The following RCCD1 variants were observed in gnomAD, a reference collection of about 807,000 sequenced individuals.
RCCD1 encodes RCC1 domain containing 1.
A neutral mutation model predicts 37.6 loss-of-function variants in RCCD1; 40 were observed. The observed-to-expected ratio is 1.06, with a 90% CI of 0.83 to 1.39. The LOEUF is 1.39. Ranked by LOEUF, RCCD1 falls within the 40% of genes most tolerant of loss-of-function variation. The pLI, the probability that RCCD1 is intolerant of heterozygous loss-of-function variation, is 0.00. For missense variants in RCCD1, 577 were observed against 517.3 expected, an observed-to-expected ratio of 1.12 and a Z score of -1.12; for synonymous variants, 263 against 230.0, an observed-to-expected ratio of 1.14 and a Z score of -1.30.
rs1185681299 is a variant in RCCD1 at position 90,957,447 on chromosome 15, C to T, written c.501C>T (p.Ala167=). 3.9e-6 allele frequency: 6 copies of T among 1,539,158 alleles called. No individual in the cohort carries two copies. The highest frequency in any genetic ancestry group is 5.2e-6 in the Non-Finnish European group (6 of 1,145,990). ...ELRARQLELG[A]EHALLLDAAG... ...GGGCACGCCAGCTGGAGCTGGGCGC[C>T]GAGCACGCGTTGCTGCTGGACGCTG... Residue 167 remains alanine (A), a synonymous_variant, in exon 3 of 8, where the codon GCC becomes GCT. Transcript: ENST00000394258.
intron 6 of RCCD1, 200 bp from the exon 7 acceptor site, chr15:90,960,825 G>T: frequency 1.5e-6 from 1 of 674,438 alleles, no homozygotes; most frequent in Non-Finnish European, 2.7e-6. Flanking sequence ...TGGCACACAG[G>T]AAGATCCGCC....
At chr15:90,960,023 G>C in intron 5 of RCCD1, 25 bp downstream of exon 5, 3 of 1,561,964 alleles carry the variant, frequency 1.9e-6, no homozygotes, top group Non-Finnish European at 2.6e-6. Flanking sequence ...GGCTCCCACA[G>C]CCGTCTCCCC....
At chr15:90,960,907 G>A in intron 6 of RCCD1, 118 bp from the exon 7 acceptor site, 1 of 950,670 alleles carries the variant, frequency 1.1e-6, no homozygotes. Context: ...GTTGTTCCAT[G>A]CCAGGCAGAT....
Position 90,960,347 on chromosome 15 carries a change from T to C in RCCD1, c.798T>C (p.Asp266=), listed in dbSNP as rs762746677. Residue 266 remains aspartate, a synonymous_variant, in exon 6 of 8, where the codon GAT becomes GAC. Coordinates refer to ENST00000394258, the MANE Select transcript of RCCD1 (RefSeq NM_001017919.2). ...VAREATELNE[D]GSQVKRTGGA... is the part of the protein sequence containing the mutation. The stretch of plus-strand genomic sequence containing the variant: ...CTGAAGCCACAGAACTGAATGAAGA[T>C]GGTTCTCAGGTGAAGAGAACGGGTG... The C allele has an allele frequency of 1.2e-6, 2 of 1,609,192 alleles. No individual in the cohort carries two copies. The highest frequency in any genetic ancestry group is 1.1e-5 in the South Asian group (1 of 90,504).
intron 6 of RCCD1, 49 bp downstream of exon 6, chr15:90,960,547 G>C (rs2037294611): frequency 6.4e-7 from 1 of 1,560,192 alleles, no homozygotes; most frequent in African/African-American, 1.4e-5. Flanking sequence ...GGTGCCTACG[G>C]AAGGGGGTGT....
At position 90,962,996 on chromosome 15, in the gene RCCD1, A is replaced by G. The variant is rs1303165550; in HGVS notation, c.*1227A>G. 2.0e-5 allele frequency: 3 copies of G among 152,148 alleles called. No homozygotes were observed. Among genetic ancestry groups the G allele is most frequent in the Admixed American group, 6.5e-5 (1 of 15,282 alleles). 9.4% of individuals were successfully genotyped at this position (152,148 alleles called of 1,614,324 possible). A position where few individuals can be genotyped will look rare whatever the true frequency, so the allele number is the denominator to read the frequency against. Reference sequence around the variant, plus strand: ...GTAGTTTTCTTTATAGTTAAATTCTATTTGTGCATGTGTGTGTCTGTGGTT... The same window carrying G: ...GTAGTTTTCTTTATAGTTAAATTCTGTTTGTGCATGTGTGTGTCTGTGGTT... On this transcript the variant is annotated 3_prime_UTR_variant, in exon 8 of 8. Transcript: ENST00000394258.
intron 7 of RCCD1, 132 bp downstream of exon 7, chr15:90,961,186 T>C: frequency 1.2e-6 from 1 of 841,718 alleles, no homozygotes; most frequent in Non-Finnish European, 1.9e-6. Flanking sequence ...GGAACAGGAC[T>C]GCTCCCTCCC....
chr15:90,957,418 C>T lies in RCCD1; in HGVS notation c.472C>T (p.Leu158=). ...APFYRPLAPE[L]RARQLELGAE... ...CTTCTACCGGCCTCTGGCTCCGGAG[C>T]TGCGGGCACGCCAGCTGGAGCTGGG... is the stretch of plus-strand genomic sequence containing the variant. The change falls in exon 3 of 8, where the codon CTG becomes TTG. Residue 158 remains leucine, a synonymous_variant. Transcript: ENST00000394258. The T allele has an allele frequency of 6.5e-7, 1 of 1,540,088 alleles. No homozygotes were observed. Among genetic ancestry groups the T allele is most frequent in the Non-Finnish European group, 8.7e-7 (1 of 1,145,754 alleles).
At chr15:90,956,135 G>T (rs1246904558) in intron 1 of RCCD1, among the ~76,000 whole-genome samples, 2 of 152,214 alleles carry the variant, frequency 1.3e-5, no homozygotes, top group South Asian at 2.1e-4. Flanking sequence ...CGGTCCCAAG[G>T]CCCCGCTGAG....
chr15:90,957,692 G>A lies in RCCD1; in HGVS notation c.646G>A (p.Ala216Thr), dbSNP rs1160775679. Residue 216 changes from alanine to threonine, a missense_variant, in exon 4 of 8, where the codon GCC becomes ACC. Ala to Thr is a moderately conservative substitution (Grantham distance 58). Coordinates refer to ENST00000394258, the MANE Select transcript of RCCD1 (RefSeq NM_001017919.2). ...ALQGLVMAEV[A>T]AGGWHSVCVS... ...GCAGGGCCTAGTCATGGCTGAGGTG[G>A]CCGCGGGGGGCTGGCATTCTGTGTG... 36 of 1,612,968 alleles carry A rather than the reference G, an allele frequency of 2.2e-5. No homozygotes were observed. The highest frequency in any genetic ancestry group is 3.0e-5 in the Non-Finnish European group (35 of 1,179,498).
At position 90,958,676 on chromosome 15, in the gene RCCD1, A is replaced by G. The variant is rs182772126; in HGVS notation, c.679+951A>G. Among the ~76,000 whole-genome samples the G allele has an allele frequency of 3.0e-4, 45 of 149,876 alleles. No homozygotes were observed. The East Asian group carries it at 8.7e-3, about 29-fold the overall frequency. On this transcript the variant is annotated intron_variant, in intron 4 of 7. Transcript: ENST00000394258. Reference sequence around the variant, plus strand: ...AAAAGCTACCAGTGCCTTCCTCCACACCATATTCTCATGGAATGGGCCTGG... The same window carrying G: ...AAAAGCTACCAGTGCCTTCCTCCACGCCATATTCTCATGGAATGGGCCTGG...
intron 2 of RCCD1, 27 bp from the exon 3 acceptor site, chr15:90,957,086 G>T: frequency 7.6e-7 from 1 of 1,322,832 alleles, no homozygotes; most frequent in South Asian, 2.1e-5. Context: ...CTCCATTCTG[G>T]CCACCCTGCT....
In RCCD1 at chr15:90,959,916, T is replaced by C; in HGVS notation, c.696T>C (p.Tyr232=). The C allele has an allele frequency of 6.2e-7, 1 of 1,613,062 alleles. No homozygotes were observed. Among genetic ancestry groups the C allele is most frequent in the Middle Eastern group, 1.7e-4 (1 of 5,978 alleles). The change falls in exon 5 of 8, where the codon TAT becomes TAC. Residue 232 remains tyrosine, a synonymous_variant. Transcript: ENST00000394258. ...SVCVSETGDI[Y]IWGWNESGQL... ...CTCTTTCAGAGACTGGGGATATTTATATCTGGGGCTGGAATGAATCAGGGC... is the reference window on the plus strand; with the variant it reads ...CTCTTTCAGAGACTGGGGATATTTACATCTGGGGCTGGAATGAATCAGGGC...
rs2037281849 is a variant in RCCD1, at chr15:90,959,996, A to G, written c.776A>G (p.Glu259Gly). ...GAGGATGGAGAGACTGTCGCAAGGGAAGGTGAGGGTCATCTCGGCTCCCAC... is the reference window on the plus strand; with the variant it reads ...GAGGATGGAGAGACTGTCGCAAGGGGAGGTGAGGGTCATCTCGGCTCCCAC... ...LAEDGETVAR[E>G]ATELNEDGSQ... Residue 259 changes from glutamate to glycine, a missense_variant and splice_region_variant, in exon 5 of 8, where the codon GAA (glutamate) becomes GGA (glycine). Physicochemically the swap from Glu to Gly is moderately conservative, Grantham distance 98. Coordinates refer to ENST00000394258, the MANE Select transcript of RCCD1 (RefSeq NM_001017919.2). 2 of 1,611,234 alleles carry G rather than the reference A, an allele frequency of 1.2e-6. No individual in the cohort carries two copies. Among genetic ancestry groups the G allele is most frequent in the East Asian group, 4.5e-5 (2 of 44,834 alleles).
chr15:90,961,189 T>C (rs900779278), intron 7 of RCCD1, 135 bp downstream of exon 7: 1 of 827,340 alleles, frequency 1.2e-6, no homozygotes, highest in Admixed American at 2.4e-5. Flanking sequence ...ACAGGACTGC[T>C]CCCTCCCTGG....
chr15:90,961,559 A>G, intron 7 of RCCD1, 59 bp from the exon 8 acceptor site: 3 of 1,550,116 alleles, frequency 1.9e-6, no homozygotes, highest in African/African-American at 1.4e-5. Flanking sequence ...CCCTTCCTGG[A>G]GGGAAAGCAG....
intron 4 of RCCD1, 163 bp from the exon 5 acceptor site, chr15:90,959,736 TA>T: frequency 1.9e-6 from 1 of 522,798 alleles, no homozygotes; most frequent in Non-Finnish European, 3.4e-6. Context: ...GATGTGAACC[TA>T]AGACAAGCCC....
In RCCD1 at chr15:90,960,442, T is replaced by A. The variant is rs150144745; in HGVS notation, c.893T>A (p.Met298Lys). Residue 298 changes from methionine (M) to lysine (K), a missense_variant, in exon 6 of 8, where the codon ATG becomes AAG. Physicochemically the swap from Met to Lys is moderately conservative, Grantham distance 95. Transcript: ENST00000394258. ...QPFPALLDLP[M>K]GSDAVKASCG... is the part of the protein sequence containing the mutation. ...TTCCCGGCATTACTGGATCTCCCCA[T>A]GGGCTCAGATGCAGTCAAGGCCAGC... The A allele has an allele frequency of 6.2e-7, 1 of 1,613,170 alleles. No individual in the cohort carries two copies. Among genetic ancestry groups the A allele is most frequent in the South Asian group, 1.1e-5 (1 of 91,084 alleles).
chr15:90,957,862 A>G, intron 4 of RCCD1, 137 bp downstream of exon 4: 1 of 1,174,490 alleles, frequency 8.5e-7, no homozygotes. Flanking sequence ...TATGACTCCT[A>G]AATGCCTCTC....
Sources: gnomAD v4.1 joint callset for allele counts (sites outside exome capture counted in the v4.1 genomes callset) on GRCh38, gnomAD v4.1.1 for gene constraint, MANE v1.5 for transcripts, NCBI Gene and HGNC (gene_info 2026-07-23, HGNC 2026-07-21) for gene names.